PCDH15: variants seen among roughly 807,000 people sequenced by gnomAD.
PCDH15 encodes the protein protocadherin-15.
In PCDH15, 129 loss-of-function variants were observed where a neutral mutation model predicts 178.5. That is an observed-to-expected ratio of 0.72 (90% CI 0.63 to 0.84). The LOEUF (loss-of-function observed/expected upper bound fraction) is 0.84, where lower values mean the gene tolerates loss of function less well. Ranked by LOEUF, PCDH15 falls within the 40% of genes least tolerant of loss-of-function variation. PCDH15 has a pLI of 0.00. For synonymous variants in PCDH15, 800 were observed against 732.0 expected, an observed-to-expected ratio of 1.09 and a Z score of -1.50; for missense variants, 2,230 against 2,099.9, an observed-to-expected ratio of 1.06 and a Z score of -1.21.
rs183574031 is a variant in PCDH15 at position 54,928,737 on chromosome 10, G to T, written c.-79-31237C>A. On this transcript the variant is annotated intron_variant, in intron 2 of 5. Transcript: ENST00000458638. ...TATTCTGCTACTAATATTTGTGATT[G>T]TATTATAAAATTCTTGTAGTGTGTT... 3.7e-4 allele frequency among the ~76,000 whole-genome samples: 57 copies of T among 152,176 alleles called. 1 individual carries two copies. Among genetic ancestry groups the T allele is most frequent in the African/African-American group, 1.3e-3 (54 of 41,526 alleles).
intron 2 of PCDH15, among the ~76,000 whole-genome samples, chr10:55,624,812 C>T (rs1294381549): frequency 6.6e-6 from 1 of 151,946 alleles, no homozygotes; most frequent in Non-Finnish European, 1.5e-5. Context: ...ATAAAATGAC[C>T]AGACTCACCA....
At chr10:54,250,579 G>A (rs749910821) in intron 8 of PCDH15, among the ~76,000 whole-genome samples, 5 of 151,926 alleles carry the variant, frequency 3.3e-5, no homozygotes, top group South Asian at 2.1e-4. Flanking sequence ...CACCGCGCCC[G>A]GCTTATTACA....
intron 1 of PCDH15, among the ~76,000 whole-genome samples, chr10:55,178,327 T>A (rs1839551364): frequency 6.6e-6 from 1 of 152,112 alleles, no homozygotes; most frequent in Non-Finnish European, 1.5e-5. Context: ...GAGGGCTGCA[T>A]AAGAGAAATA....
chr10:54,325,958 A>G (rs76403896), intron 7 of PCDH15, among the ~76,000 whole-genome samples: 1 of 152,164 alleles, frequency 6.6e-6, no homozygotes, highest in African/African-American at 2.4e-5. Flanking sequence ...TGTAAAAAAA[A>G]TGGAGGTACA....
intron 1 of PCDH15, among the ~76,000 whole-genome samples, chr10:55,294,965 T>G (rs1843096647): frequency 6.6e-6 from 1 of 152,210 alleles, no homozygotes; most frequent in Non-Finnish European, 1.5e-5. Context: ...GCTATTTTTA[T>G]TAAAATATTA....
intron 3 of PCDH15, among the ~76,000 whole-genome samples, chr10:54,402,990 C>T (rs1029832124): frequency 7.9e-5 from 12 of 152,084 alleles, no homozygotes; most frequent in East Asian, 1.9e-4. Flanking sequence ...ATAGGCTGAA[C>T]GCTAGACATC....
Position 54,008,565 on chromosome 10 carries a change from T to C in PCDH15, c.2751+11627A>G, listed in dbSNP as rs1391238558. ...CATCAAAACAAGCCAAGCAAATATA[T>C]CCAAATTGAATCCAGAGCTGCCAAG... is the stretch of plus-strand genomic sequence containing the variant. On this transcript the variant is annotated intron_variant, in intron 20 of 37. Transcript: ENST00000644397. Among the ~76,000 whole-genome samples the C allele has an allele frequency of 2.6e-5, 4 of 152,248 alleles. No homozygotes were observed. In the East Asian group the frequency reaches 7.7e-4, roughly 29 times the overall value.
rs556868296 is a variant in PCDH15, at chr10:55,399,897, A to G, written c.-156+227728T>C. On this transcript the variant is annotated intron_variant, in intron 2 of 5. Transcript: ENST00000613346. ...AAAATAACCTATACAAACACATTCA[A>G]AACAAAGCCCCACATATTATTATTT... Among the ~76,000 whole-genome samples the G allele has an allele frequency of 5.3e-5, 8 of 152,244 alleles. No homozygotes were observed. In the South Asian group the frequency reaches 1.7e-3, roughly 32 times the overall value.
Position 54,623,394 on chromosome 10 carries a change from G to T in PCDH15, c.91+40778C>A, listed in dbSNP as rs542335583. ...TAAGTACTATTATTAATAATGAAAA[G>T]ACTTTTTTTTAAAATTTGACTAACT... On this transcript the variant is annotated intron_variant, in intron 2 of 37. Transcript: ENST00000644397. 4.6e-5 allele frequency among the ~76,000 whole-genome samples: 7 copies of T among 152,022 alleles called. No individual in the cohort carries two copies. In the South Asian group the frequency reaches 1.2e-3, roughly 27 times the overall value.
chr10:53,824,689 A>T (rs2076554841), intron 32 of PCDH15, among the ~76,000 whole-genome samples: 1 of 152,072 alleles, frequency 6.6e-6, no homozygotes, highest in South Asian at 2.1e-4. Flanking sequence ...TGGCACGAAC[A>T]ACTGGGATTG....
intron 26 of PCDH15, among the ~76,000 whole-genome samples, chr10:53,902,033 A>G (rs7898068): frequency 0.5 from 76,612 of 152,000 alleles, 20,997 homozygotes; most frequent in Middle Eastern, 0.68. Flanking sequence ...AACAGTGTTT[A>G]GCACATTATA....
At chr10:54,857,032 T>C (rs1174629059) in intron 3 of PCDH15, among the ~76,000 whole-genome samples, 1 of 152,180 alleles carries the variant, frequency 6.6e-6, no homozygotes, top group Non-Finnish European at 1.5e-5. Context: ...CTGAGGACTT[T>C]ACTAGAGGAG....
chr10:53,834,102 C>T (rs567844211), intron 29 of PCDH15, among the ~76,000 whole-genome samples: 6 of 152,236 alleles, frequency 3.9e-5, no homozygotes, highest in Non-Finnish European at 8.8e-5. Flanking sequence ...GTAACTGAAA[C>T]TGAAGAAAGC....
chr10:54,508,183 AC>A (rs1487667447), intron 3 of PCDH15, among the ~76,000 whole-genome samples: 1 of 152,068 alleles, frequency 6.6e-6, no homozygotes, highest in Non-Finnish European at 1.5e-5. Context: ...TTTTCTTATC[AC>A]CAAACATTGT....
chr10:55,426,249 C>A (rs1202156624), intron 2 of PCDH15, among the ~76,000 whole-genome samples: 1 of 152,044 alleles, frequency 6.6e-6, no homozygotes, highest in African/African-American at 2.4e-5. Context: ...AAGGTAGTGC[C>A]GGGTTTACTC....
At chr10:54,072,028 T>C (rs1031893671) in intron 17 of PCDH15, among the ~76,000 whole-genome samples, 1 of 152,088 alleles carries the variant, frequency 6.6e-6, no homozygotes, top group African/African-American at 2.4e-5. Flanking sequence ...AATTACCTTA[T>C]AACTTATTTT....
chr10:54,421,893 CA>C (rs1955515664), intron 3 of PCDH15, among the ~76,000 whole-genome samples: 1 of 77,172 alleles, frequency 1.3e-5, no homozygotes, highest in Non-Finnish European at 2.5e-5. Flanking sequence ...TACACACACA[CA>C]CTATATATAT....
intron 2 of PCDH15, among the ~76,000 whole-genome samples, chr10:55,498,338 G>A (rs996007607): frequency 1.4e-4 from 22 of 151,896 alleles, no homozygotes; most frequent in Non-Finnish European, 3.1e-4. Context: ...TATAAAATTA[G>A]TGTGCTTGTA....
intron 23 of PCDH15, among the ~76,000 whole-genome samples, chr10:53,956,004 A>C (rs2134233499): frequency 6.6e-6 from 1 of 152,328 alleles, no homozygotes; most frequent in Middle Eastern, 3.4e-3. Context: ...AATACCATAC[A>C]GAAATAAAAA....
Sources: gnomAD v4.1 joint callset for allele counts (sites outside exome capture counted in the v4.1 genomes callset) on GRCh38, gnomAD v4.1.1 for gene constraint, MANE v1.5 for transcripts, NCBI Gene and HGNC (gene_info 2026-07-23, HGNC 2026-07-21) for gene names.